The following CLIP1 variants were observed in gnomAD, a reference collection of about 807,000 sequenced individuals.
The protein encoded by CLIP1 is CAP-Gly domain-containing linker protein 1.
A neutral mutation model predicts 161.6 loss-of-function variants in CLIP1; 66 were observed. The ratio of observed to expected loss-of-function variants is 0.41; its 90% CI spans 0.33 to 0.50. The LOEUF (loss-of-function observed/expected upper bound fraction) is 0.50. CLIP1 is among the 20% of genes least tolerant of loss of function. The pLI is 0.27. For missense variants in CLIP1, 1,376 were observed against 1,702.0 expected, an observed-to-expected ratio of 0.81 and a Z score of 3.37; for synonymous variants, 598 against 626.2, an observed-to-expected ratio of 0.96 and a Z score of 0.67.
At chr12:122,404,899 CA>C (rs1418305535) in intron 1 of CLIP1, among the ~76,000 whole-genome samples, 1,214 of 76,112 alleles carry the variant, frequency 0.016, 13 homozygotes, top group African/African-American at 0.052. Context: ...GACTCCATCT[CA>C]AAAAAAAAAA....
intron 8 of CLIP1, 151 bp downstream of exon 8, chr12:122,352,574 CG>C: frequency 4.5e-6 from 3 of 666,428 alleles, no homozygotes; most frequent in Non-Finnish European, 5.4e-6. Context: ...GCTCAAGTAC[CG>C]GCACCGTCAC....
At chr12:122,362,200 C>G (rs529212483) in intron 4 of CLIP1, among the ~76,000 whole-genome samples, 1 of 151,278 alleles carries the variant, frequency 6.6e-6, no homozygotes, top group Non-Finnish European at 1.5e-5. Context: ...GATCTGCCCA[C>G]CTTGGCCTCC....
At position 122,323,068 on chromosome 12, in the gene CLIP1, A is replaced by G. The variant is rs1951576619; in HGVS notation, c.3250-3720T>C. ...CTTGCACAACTAAACTTCTGTTTGC[A>G]GACTCTTGATCACATTGCCTTTTGA... On this transcript the variant is annotated intron_variant, in intron 17 of 25. Coordinates refer to ENST00000620786, the MANE Select transcript of CLIP1 (RefSeq NM_001247997.2). The surrounding 1 kb of genome is among the most constrained non-coding windows in gnomAD (Gnocchi z 4.1). 1 of 152,572 alleles carries G rather than the reference A, an allele frequency of 6.6e-6. No individual in the cohort carries two copies. Among genetic ancestry groups the G allele is most frequent in the African/African-American group, 2.4e-5 (1 of 41,418 alleles). 9.5% of individuals were successfully genotyped at this position (152,572 alleles called of 1,614,324 possible).
chr12:122,398,404 G>A (rs1166669313), intron 1 of CLIP1, among the ~76,000 whole-genome samples: 1 of 147,876 alleles, frequency 6.8e-6, no homozygotes, highest in Non-Finnish European at 1.5e-5. Context: ...CAGCCTGGGC[G>A]ACAGAATGAG....
At chr12:122,313,908 G>A (rs1428002568) in intron 19 of CLIP1, among the ~76,000 whole-genome samples, 1 of 152,092 alleles carries the variant, frequency 6.6e-6, no homozygotes, top group Non-Finnish European at 1.5e-5. Flanking sequence ...TGTAATCCCA[G>A]CACTTTGGGA....
chr12:122,374,635 G>T (rs1051942177), intron 3 of CLIP1, among the ~76,000 whole-genome samples: 1 of 151,970 alleles, frequency 6.6e-6, no homozygotes, highest in Admixed American at 6.6e-5. Flanking sequence ...GGTGGTGGGC[G>T]CCTGTAATCC....
rs1555265530 is a variant in CLIP1 at position 122,330,602 on chromosome 12, T to TTTG, written c.2868-2177_2868-2176insCAA. Among the ~76,000 whole-genome samples the TTTG allele has an allele frequency of 2.9e-5, 4 of 138,336 alleles. 1 individual carries two copies. Among genetic ancestry groups the TTTG allele is most frequent in the Non-Finnish European group, 6.2e-5 (4 of 64,550 alleles). 90.8% of individuals were successfully genotyped at this position (138,336 alleles called of 152,430 possible). On this transcript the variant is annotated intron_variant, in intron 15 of 25. Transcript: ENST00000620786. ...CACTGAAGAAGTATAATGCAGTTTTTTTTTTTTTTTTTTTTGAGATGGAGT... is the reference window on the plus strand; with the variant it reads ...CACTGAAGAAGTATAATGCAGTTTTTTTGTTTTTTTTTTTTTTTGAGATGGAGT...
At chr12:122,416,928 G>A (rs1238639866) in intron 1 of CLIP1, among the ~76,000 whole-genome samples, 1 of 151,516 alleles carries the variant, frequency 6.6e-6, no homozygotes, top group Non-Finnish European at 1.5e-5. Context: ...ATAACATGGT[G>A]CCCAGGTGTG....
intron 20 of CLIP1, among the ~76,000 whole-genome samples, chr12:122,302,569 T>C (rs1228196687): frequency 1.3e-5 from 2 of 152,174 alleles, no homozygotes; most frequent in African/African-American, 4.8e-5. Context: ...GGAAATTTCC[T>C]TATCGTATCT....
intron 24 of CLIP1, 138 bp from the exon 25 acceptor site, chr12:122,274,300 T>A: frequency 1.6e-6 from 1 of 622,542 alleles, no homozygotes; most frequent in Non-Finnish European, 2.8e-6. Flanking sequence ...TAGGAACCCA[T>A]GCTTTTCACT....
chr12:122,286,520 T>TAAAAAAAAAAAAAAAAAAA (rs57260606), intron 21 of CLIP1, among the ~76,000 whole-genome samples: 1 of 28,256 alleles, frequency 3.5e-5, no homozygotes, highest in Non-Finnish European at 7.1e-5. Context: ...GACTCTGTCT[T>TAAAAAAAAAAAAAAAAAAA]AAAAAAAAAA....
At chr12:122,396,627 G>C (rs574685264) in intron 1 of CLIP1, 4 of 152,068 alleles carry the variant, frequency 2.6e-5, no homozygotes, top group Non-Finnish European at 5.9e-5. Flanking sequence ...GGCTTCAACC[G>C]AAAGAGTGAA....
At chr12:122,412,097 C>G (rs1956557955) in intron 1 of CLIP1, among the ~76,000 whole-genome samples, 1 of 126,020 alleles carries the variant, frequency 7.9e-6, no homozygotes, top group Admixed American at 9.0e-5. Flanking sequence ...GAGACAGGCT[C>G]TCACTCTGAC....
intron 3 of CLIP1, among the ~76,000 whole-genome samples, chr12:122,368,506 T>C (rs1954276489): frequency 6.6e-6 from 1 of 152,166 alleles, no homozygotes; most frequent in Non-Finnish European, 1.5e-5. Flanking sequence ...GGCAAGCCAT[T>C]TAATCTCACA....
At chr12:122,340,516 C>G (rs1269876959) in intron 11 of CLIP1, among the ~76,000 whole-genome samples, 1 of 152,110 alleles carries the variant, frequency 6.6e-6, no homozygotes, top group African/African-American at 2.4e-5. Context: ...GATCAGGTAC[C>G]CAGATAACAG....
chr12:122,273,074 T>C lies in CLIP1; in HGVS notation c.4118A>G (p.Lys1373Arg), dbSNP rs374978178. ...AATGTCACAGAAGAGGCGAGGTTTCTTCTTGGACTGTTTCTCCTGATCATC... is the reference window on the plus strand; with the variant it reads ...AATGTCACAGAAGAGGCGAGGTTTCCTCTTGGACTGTTTCTCCTGATCATC... ...DSDDQEKQSK[K>R]KPRLFCDICD... Residue 1373 changes from lysine to arginine, a missense_variant, in exon 26 of 26, where the codon AAG (lysine) becomes AGG (arginine). Lys to Arg is a conservative substitution (Grantham distance 26). Transcript: ENST00000620786. 135 of 1,614,218 alleles carry C rather than the reference T, an allele frequency of 8.4e-5. No individual in the cohort carries two copies. In the South Asian group the frequency reaches 1.4e-3, roughly 17 times the overall value.
intron 8 of CLIP1, among the ~76,000 whole-genome samples, chr12:122,351,667 C>G (rs1253863784): frequency 6.6e-6 from 1 of 152,152 alleles, no homozygotes; most frequent in Non-Finnish European, 1.5e-5. Context: ...GGGAAACGCA[C>G]AGTTAAGTGC....
In CLIP1 at chr12:122,333,007, A is replaced by G. The variant is rs984738597; in HGVS notation, c.2847T>C (p.Asp949=). 4.3e-6 allele frequency: 7 copies of G among 1,613,392 alleles called. No individual in the cohort carries two copies. In the Admixed American group the frequency reaches 1.2e-4, roughly 27 times the overall value. The part of the protein sequence containing the change: ...DNSSQLTKMN[D]ELRLKERDVE... ...TATACCTTTCTTTCAGACGTAATTC[A>G]TCGTTCATTTTTGTCAGCTGAGAAG... Residue 949 remains aspartate (D), a synonymous_variant, in exon 15 of 26, where the codon GAT becomes GAC. Transcript: ENST00000620786.
intron 3 of CLIP1, among the ~76,000 whole-genome samples, chr12:122,372,418 G>GA (rs372785821): frequency 0.088 from 12,093 of 137,596 alleles, 605 homozygotes; most frequent in Middle Eastern, 0.17. Flanking sequence ...CTGGTCTAAA[G>GA]AAAAAAAAAA....
Sources: gnomAD v4.1 joint callset for allele counts (sites outside exome capture counted in the v4.1 genomes callset) on GRCh38, gnomAD v4.1.1 for gene constraint, Gnocchi (gnomAD v3.1) non-coding constraint, MANE v1.5 for transcripts, NCBI Gene and HGNC (gene_info 2026-07-23, HGNC 2026-07-21) for gene names.